Variants in AADAC observed in about 807,000 individuals in gnomAD.
AADAC encodes arylacetamide deacetylase.
Under a neutral mutation model 22.7 loss-of-function variants are expected in AADAC, and 17 were observed. The ratio of observed to expected loss-of-function variants is 0.75; its 90% confidence interval spans 0.51 to 1.12. The LOEUF (loss-of-function observed/expected upper bound fraction) is 1.12, where lower values mean the gene tolerates loss of function less well. Ranked by LOEUF, AADAC falls within the 50% of genes most tolerant of loss-of-function variation. AADAC has a pLI of 0.00. For missense variants in AADAC, 465 were observed against 473.9 expected (o/e 0.98, Z 0.17); for synonymous variants, 167 against 176.3 (o/e 0.95, Z 0.42).
intron 2 of AADAC, among the ~76,000 whole-genome samples, 154 bp downstream of exon 2, chr3:151,817,742 C>G (rs1443799246): frequency 6.6e-6 from 1 of 152,056 alleles, no homozygotes; most frequent in Non-Finnish European, 1.5e-5. Context: ...TTCCCTGAAG[C>G]TTTATATCAC....
intron 1 of AADAC, 66 bp from the exon 2 acceptor site, chr3:151,817,300 T>C: frequency 7.3e-7 from 1 of 1,378,396 alleles, no homozygotes; most frequent in Middle Eastern, 1.9e-4. Flanking sequence ...TGTCTACCTA[T>C]AAGTCCATAG....
rs540083071 is a variant in AADAC at position 151,818,084 on chromosome 3, T to A, written c.361+496T>A. ...TGAAACCCTGTATCTACTAAAACAA[T>A]ACAAAAATTAGCCGGGTGTGGTGGC... On this transcript the variant is annotated intron_variant, in intron 2 of 4. Coordinates refer to ENST00000232892, the MANE Select transcript of AADAC (RefSeq NM_001086.3). 2.0e-5 allele frequency among the ~76,000 whole-genome samples: 3 copies of A among 151,504 alleles called. No individual in the cohort carries two copies. The South Asian group carries it at 6.3e-4, about 32-fold the overall frequency.
At chr3:151,825,217 A>T (rs558583328) in intron 4 of AADAC, among the ~76,000 whole-genome samples, 1 of 151,538 alleles carries the variant, frequency 6.6e-6, no homozygotes, top group Non-Finnish European at 1.5e-5. Context: ...ACAAAAAAAA[A>T]AAAAGAAAAA....
Position 151,817,358 on chromosome 3 carries a change from ATT to A in AADAC, c.139-4_139-3del, listed in dbSNP as rs764341206. 1.2e-6 allele frequency: 2 copies of A among 1,607,876 alleles called. No individual in the cohort carries two copies. The highest frequency in any genetic ancestry group is 1.7e-6 in the Non-Finnish European group (2 of 1,174,982). On this transcript the variant is annotated splice_polypyrimidine_tract_variant and splice_region_variant and intron_variant, in intron 1 of 4. Transcript: ENST00000232892. ...GAATTTCAGGAGGTTTGTGAATTTC[ATT>A]TTTAGGCTACATTTGTGGAGCTCCT...
chr3:151,822,351 T>A (rs572390758), intron 3 of AADAC, among the ~76,000 whole-genome samples: 1 of 152,126 alleles, frequency 6.6e-6, no homozygotes, highest in Admixed American at 6.5e-5. Context: ...AAAACTTGTA[T>A]GTTCACAGAA....
At position 151,814,217 on chromosome 3, in the gene AADAC, A is replaced by G. The variant is rs773763143; in HGVS notation, c.55A>G (p.Ile19Val). The G allele has an allele frequency of 6.2e-7, 1 of 1,613,262 alleles. No individual in the cohort carries two copies. The highest frequency in any genetic ancestry group is 2.2e-5 in the East Asian group (1 of 44,858). Residue 19 changes from isoleucine (I) to valine (V), a missense_variant, in exon 1 of 5, where the codon ATT (isoleucine) becomes GTT (valine). By Grantham distance (29) the Ile-to-Val change is conservative (BLOSUM62 3). Coordinates refer to ENST00000232892, the MANE Select transcript of AADAC (RefSeq NM_001086.3). ...TGTGGGGATCCTCATAGCATATTAT[A>G]TTTATACGCCTCTCCCAGATAACGT... ...LIVGILIAYY[I>V]YTPLPDNVEE...
intron 3 of AADAC, among the ~76,000 whole-genome samples, chr3:151,822,360 A>C (rs1024793296): frequency 5.9e-5 from 9 of 152,034 alleles, no homozygotes; most frequent in African/African-American, 2.2e-4. Flanking sequence ...ATGTTCACAG[A>C]AGCAGTATTC....
In AADAC at chr3:151,828,070, C is replaced by G. The variant is rs140197497; in HGVS notation, c.1098C>G (p.Asn366Lys). Residue 366 changes from asparagine (N) to lysine (K), a missense_variant, in exon 5 of 5, where the codon AAC (asparagine) becomes AAG (lysine). Coordinates refer to ENST00000232892, the MANE Select transcript of AADAC (RefSeq NM_001086.3). ...ACACTGGGGTTCAGGTGACTCATAA[C>G]CATGTTGAGGATGGATTCCATGGAG... is the stretch of plus-strand genomic sequence containing the variant. ...LRNTGVQVTHNHVEDGFHGAF... is the reference protein window; with the variant it reads ...LRNTGVQVTHKHVEDGFHGAF... 826 of 1,612,968 alleles carry G rather than the reference C, an allele frequency of 5.1e-4. 10 individuals carry two copies. In the Admixed American group the frequency reaches 0.013, roughly 26 times the overall value.
At position 151,817,452 on chromosome 3, in the gene AADAC, A is replaced by T. The variant is rs748869627; in HGVS notation, c.225A>T (p.Ser75=). Residue 75 remains serine (S), a synonymous_variant, in exon 2 of 5, where the codon TCA becomes TCT. Coordinates refer to ENST00000232892, the MANE Select transcript of AADAC (RefSeq NM_001086.3). The part of the protein sequence containing the change: ...VGSFDEVPPT[S]DENVTVTETK... ...GCTTTGATGAAGTCCCACCAACCTC[A>T]GATGAAAATGTCACTGTGACTGAGA... is the stretch of plus-strand genomic sequence containing the variant. The T allele has an allele frequency of 1.2e-6, 2 of 1,613,812 alleles. No homozygotes were observed. The highest frequency in any genetic ancestry group is 8.5e-7 in the Non-Finnish European group (1 of 1,179,742).
rs1415432556 is a variant in AADAC, at chr3:151,820,400, T to A, written c.379T>A (p.Leu127Met). The A allele has an allele frequency of 3.2e-6, 5 of 1,585,604 alleles. No individual in the cohort carries two copies. In the South Asian group the frequency reaches 5.8e-5, roughly 18 times the overall value. Residue 127 changes from leucine to methionine, a missense_variant, in exon 3 of 5, where the codon TTG becomes ATG. Physicochemically the swap from Leu to Met is conservative, Grantham distance 15 (BLOSUM62 2). Transcript: ENST00000232892. ...TATTTCAGCTCTAAGTGGTTATGAC[T>A]TGCTGTCAAGATGGACAGCAGACAG... is the stretch of plus-strand genomic sequence containing the variant. Reference protein sequence around the residue: ...VGSAALSGYDLLSRWTADRLD... With the variant: ...VGSAALSGYDMLSRWTADRLD...
intron 1 of AADAC, among the ~76,000 whole-genome samples, chr3:151,816,951 T>C (rs1716013231): frequency 6.6e-6 from 1 of 151,926 alleles, no homozygotes; most frequent in Non-Finnish European, 1.5e-5. Flanking sequence ...TTCAGACTTT[T>C]AAAGGTGTCA....
At chr3:151,814,833 G>A (rs916104375) in intron 1 of AADAC, among the ~76,000 whole-genome samples, 1 of 152,024 alleles carries the variant, frequency 6.6e-6, no homozygotes, top group African/African-American at 2.4e-5. Flanking sequence ...GGAGACCTGG[G>A]TGTCCTGGCA....
At chr3:151,817,674 G>T in intron 2 of AADAC, 86 bp downstream of exon 2, 2 of 1,187,256 alleles carry the variant, frequency 1.7e-6, no homozygotes, top group Non-Finnish European at 2.4e-6. Context: ...ATGCCCTTCG[G>T]CATGGACATT....
intron 2 of AADAC, among the ~76,000 whole-genome samples, chr3:151,818,450 C>G (rs1003224973): frequency 1.3e-5 from 2 of 152,128 alleles, no homozygotes; most frequent in East Asian, 1.9e-4. Context: ...ACTTGTGGAT[C>G]AGGCACCCTC....
intron 2 of AADAC, among the ~76,000 whole-genome samples, chr3:151,819,774 C>T (rs1242960102): frequency 1.6e-5 from 2 of 128,150 alleles, no homozygotes; most frequent in African/African-American, 5.8e-5. Flanking sequence ...AAGAGCATTA[C>T]GTCTTCCTCT....
At position 151,827,938 on chromosome 3, in the gene AADAC, G is replaced by A; in HGVS notation, c.966G>A (p.Leu322=). ...PGFLDVRAAP[L]LADDNKLRGL... ...TCCTAGATGTGAGGGCAGCCCCTTTGTTGGCTGATGACAACAAATTACGTG... is the reference window on the plus strand; with the variant it reads ...TCCTAGATGTGAGGGCAGCCCCTTTATTGGCTGATGACAACAAATTACGTG... The change falls in exon 5 of 5, where the codon TTG becomes TTA. Residue 322 remains leucine, a synonymous_variant. Coordinates refer to ENST00000232892, the MANE Select transcript of AADAC (RefSeq NM_001086.3). 1 of 1,611,064 alleles carries A rather than the reference G, an allele frequency of 6.2e-7. No individual in the cohort carries two copies.
At chr3:151,824,395 G>T (rs529802451) in intron 3 of AADAC, among the ~76,000 whole-genome samples, 1 of 151,932 alleles carries the variant, frequency 6.6e-6, no homozygotes, top group Non-Finnish European at 1.5e-5. Flanking sequence ...ATGCTGTTAT[G>T]TCAAATTAGT....
At chr3:151,826,355 C>T (rs532628992) in intron 4 of AADAC, among the ~76,000 whole-genome samples, 6 of 151,756 alleles carry the variant, frequency 4.0e-5, no homozygotes, top group Non-Finnish European at 7.4e-5. Context: ...CATTCATTTC[C>T]TCACCTGTAA....
chr3:151,814,469 T>C (rs1172913600), intron 1 of AADAC, among the ~76,000 whole-genome samples, 169 bp downstream of exon 1: 2 of 152,054 alleles, frequency 1.3e-5, no homozygotes, highest in African/African-American at 4.8e-5. Flanking sequence ...TTTTCTGTCT[T>C]ATGTATTGGA....
Sources: allele counts gnomAD v4.1 joint callset (sites outside exome capture counted in the v4.1 genomes callset), GRCh38; gene constraint gnomAD v4.1.1; transcripts MANE v1.5; gene names NCBI Gene and HGNC (gene_info 2026-07-23, HGNC 2026-07-21).